Variants in SSBP2 observed in about 807,000 individuals in gnomAD.
SSBP2 encodes single stranded DNA binding protein 2, also known as single-stranded DNA-binding protein 2.
Under a neutral mutation model 61.8 loss-of-function variants are expected in SSBP2, and 17 were observed. The ratio of observed to expected loss-of-function variants is 0.28; its 90% confidence interval spans 0.19 to 0.41. SSBP2 has a LOEUF of 0.41. SSBP2 is among the 10% of genes least tolerant of loss of function. SSBP2 has a pLI of 1.00. For synonymous variants in SSBP2, 139 were observed against 141.3 expected (o/e 0.98, Z 0.12); for missense variants, 310 against 458.7 (o/e 0.68, Z 2.96).
intron 1 of SSBP2, among the ~76,000 whole-genome samples, chr5:81,732,837 C>G (rs1436577818): frequency 2.0e-5 from 3 of 152,176 alleles, no homozygotes; most frequent in African/African-American, 7.2e-5. Flanking sequence ...ACCACCACCC[C>G]CCGCCTTCTA....
chr5:81,720,668 T>A (rs1385988918), intron 1 of SSBP2, among the ~76,000 whole-genome samples: 1 of 152,198 alleles, frequency 6.6e-6, no homozygotes, highest in African/African-American at 2.4e-5. Context: ...ACTTCCCCCC[T>A]CTCTGCCTCT....
chr5:81,589,225 G>C (rs1202336502), intron 4 of SSBP2, among the ~76,000 whole-genome samples: 1 of 152,146 alleles, frequency 6.6e-6, no homozygotes, highest in Non-Finnish European at 1.5e-5. Context: ...AATTAAAAGA[G>C]CTTTAAGGTT....
intron 8 of SSBP2, among the ~76,000 whole-genome samples, chr5:81,471,973 T>C (rs999797543): frequency 3.3e-5 from 5 of 152,144 alleles, no homozygotes; most frequent in African/African-American, 1.2e-4. Flanking sequence ...TATTATTGTA[T>C]GTAGGTCTAA....
chr5:81,630,489 C>G (rs143346789), intron 3 of SSBP2, among the ~76,000 whole-genome samples: 1 of 152,188 alleles, frequency 6.6e-6, no homozygotes, highest in East Asian at 1.9e-4. Context: ...GGAGGCATCT[C>G]AAAGAGTATG....
intron 15 of SSBP2, among the ~76,000 whole-genome samples, chr5:81,430,330 C>T (rs754883662): frequency 1.1e-4 from 17 of 152,020 alleles, no homozygotes; most frequent in Non-Finnish European, 2.4e-4. Context: ...TATATACACA[C>T]ATATATAAGA....
chr5:81,477,519 T>G (rs577040016), intron 6 of SSBP2, among the ~76,000 whole-genome samples: 2 of 152,190 alleles, frequency 1.3e-5, no homozygotes, highest in Non-Finnish European at 2.9e-5. Context: ...TACAATTATG[T>G]ATTTATTCAA....
chr5:81,548,778 C>T (rs1225806834), intron 4 of SSBP2, among the ~76,000 whole-genome samples: 1 of 152,004 alleles, frequency 6.6e-6, no homozygotes, highest in African/African-American at 2.4e-5. Context: ...AAAAATTAGC[C>T]AGGTGTGGTG....
At position 81,416,089 on chromosome 5, in the gene SSBP2, T is replaced by C. The variant is rs1177381139; in HGVS notation, c.*4415A>G. 6.7e-6 allele frequency: 1 copy of C among 149,784 alleles called. No individual in the cohort carries two copies. Among genetic ancestry groups the C allele is most frequent in the Non-Finnish European group, 1.5e-5 (1 of 67,750 alleles). The allele number at this position is 149,784 out of a possible 1,614,324, so 9.3% of individuals were successfully genotyped here. A position where few individuals can be genotyped will look rare whatever the true frequency, so the allele number is the denominator to read the frequency against. ...AATACAAAAATTAGCCTGTGACGCA[T>C]GCCTGTAATCCAGCTACTCTGGAGG... On this transcript the variant is annotated 3_prime_UTR_variant, in exon 17 of 17. Transcript: ENST00000320672.
chr5:81,446,966 A>G, intron 11 of SSBP2, 44 bp from the exon 12 acceptor site: 3 of 1,437,222 alleles, frequency 2.1e-6, no homozygotes, highest in Middle Eastern at 1.8e-4. Context: ...GGCATTGCAT[A>G]AGAAAAAACA....
intron 4 of SSBP2, among the ~76,000 whole-genome samples, chr5:81,549,530 C>T (rs1188383787): frequency 6.6e-6 from 1 of 152,140 alleles, no homozygotes; most frequent in Non-Finnish European, 1.5e-5. Context: ...TAATCTTGTG[C>T]TACTGTATAT....
intron 2 of SSBP2, among the ~76,000 whole-genome samples, chr5:81,637,964 G>A (rs956415199): frequency 2.0e-5 from 3 of 152,140 alleles, no homozygotes; most frequent in Non-Finnish European, 4.4e-5. Flanking sequence ...GGACATGGAT[G>A]AAATTGGAAA....
chr5:81,543,228 C>G (rs1219511208), intron 4 of SSBP2, among the ~76,000 whole-genome samples: 1 of 152,112 alleles, frequency 6.6e-6, no homozygotes, highest in African/African-American at 2.4e-5. Context: ...TTGTAAGTTT[C>G]CTGAGTCCTC....
chr5:81,677,246 A>G (rs1436011331), intron 1 of SSBP2, among the ~76,000 whole-genome samples: 2 of 152,180 alleles, frequency 1.3e-5, no homozygotes, highest in African/African-American at 4.8e-5. Context: ...AGAAATCACC[A>G]ATCTATCCCA....
chr5:81,740,614 C>T (rs1304044953), intron 1 of SSBP2, among the ~76,000 whole-genome samples: 1 of 152,150 alleles, frequency 6.6e-6, no homozygotes. Flanking sequence ...GAAGAGACAA[C>T]AAAAGAGACT....
Position 81,417,436 on chromosome 5 carries a change from T to A in SSBP2, c.*3068A>T, listed in dbSNP as rs1761353526. Reference sequence around the variant, plus strand: ...AATGCAAAGCAGAGTAACAAGATTTTACCTACTGCTTACTTTTTCATTTTA... The same window carrying A: ...AATGCAAAGCAGAGTAACAAGATTTAACCTACTGCTTACTTTTTCATTTTA... On this transcript the variant is annotated 3_prime_UTR_variant, in exon 17 of 17. Transcript: ENST00000320672. 1 of 152,228 alleles carries A rather than the reference T, an allele frequency of 6.6e-6. No homozygotes were observed. The highest frequency in any genetic ancestry group is 6.5e-5 in the Admixed American group (1 of 15,276). 9.4% of individuals were successfully genotyped at this position (152,228 alleles called of 1,614,324 possible).
Position 81,420,337 on chromosome 5 carries a change from A to G in SSBP2, c.*167T>C. 1 of 653,414 alleles carries G rather than the reference A, an allele frequency of 1.5e-6. No homozygotes were observed. The highest frequency in any genetic ancestry group is 2.7e-6 in the Non-Finnish European group (1 of 369,162). The allele number at this position is 653,414 out of a possible 1,614,324, so 40.5% of individuals were successfully genotyped here. A position where few individuals can be genotyped will look rare whatever the true frequency, so the allele number is the denominator to read the frequency against. Reference sequence around the variant, plus strand: ...GTACAGTTGTTTGAATCACATTTGGACCCGCTTTCTTCACAAAAGAGGGGA... The same window carrying G: ...GTACAGTTGTTTGAATCACATTTGGGCCCGCTTTCTTCACAAAAGAGGGGA... On this transcript the variant is annotated 3_prime_UTR_variant, in exon 17 of 17. Transcript: ENST00000320672.
Position 81,602,131 on chromosome 5 carries a change from G to A in SSBP2, c.282+13342C>T, listed in dbSNP as rs75551694. On this transcript the variant is annotated intron_variant, in intron 4 of 16. Coordinates refer to ENST00000320672, the MANE Select transcript of SSBP2 (RefSeq NM_012446.5). ...CTCTTGTTTCCTCCATCTGAGTCAT[G>A]CTTCCTTTTCCATAAAAAAAGTAGC... Among the ~76,000 whole-genome samples, 710 of 152,120 alleles carry A rather than the reference G, an allele frequency of 4.7e-3. 2 individuals carry two copies. Among genetic ancestry groups the A allele is most frequent in the Non-Finnish European group, 8.2e-3 (556 of 67,988 alleles).
intron 4 of SSBP2, among the ~76,000 whole-genome samples, chr5:81,531,708 CA>C (rs1770421557): frequency 6.6e-6 from 1 of 151,986 alleles, no homozygotes; most frequent in Non-Finnish European, 1.5e-5. Flanking sequence ...GTAAAGAAAT[CA>C]AAAGGTAGTT....
At chr5:81,531,453 A>G (rs1040568489) in intron 4 of SSBP2, among the ~76,000 whole-genome samples, 1 of 152,080 alleles carries the variant, frequency 6.6e-6, no homozygotes, top group Non-Finnish European at 1.5e-5. Context: ...TGGGAACTGT[A>G]TACAAACTAA....
Sources: gnomAD v4.1 joint callset for allele counts (sites outside exome capture counted in the v4.1 genomes callset) on GRCh38, gnomAD v4.1.1 for gene constraint, MANE v1.5 for transcripts, NCBI Gene and HGNC (gene_info 2026-07-23, HGNC 2026-07-21) for gene names.